The following RPA1 variants were observed in gnomAD, a reference collection of about 807,000 sequenced individuals.
RPA1 encodes the protein replication protein A 70 kDa DNA-binding subunit.
A neutral mutation model predicts 83.0 loss-of-function variants in RPA1; 49 were observed. The observed-to-expected ratio is 0.59, with a 90% CI of 0.47 to 0.75. The LOEUF (loss-of-function observed/expected upper bound fraction) is 0.75. Ranked by LOEUF, RPA1 falls within the 30% of genes least tolerant of loss-of-function variation. The pLI, the probability that RPA1 is intolerant of heterozygous loss-of-function variation, is 0.00. For missense variants in RPA1, 693 were observed against 776.1 expected (o/e 0.89, Z 1.27); for synonymous variants, 279 against 281.8 (o/e 0.99, Z 0.10).
intron 4 of RPA1, 146 bp from the exon 5 acceptor site, chr17:1,852,955 C>T (rs771313739): frequency 7.9e-5 from 51 of 645,884 alleles, no homozygotes; most frequent in Admixed American, 2.2e-4. Flanking sequence ...AATGATGCGG[C>T]GAAAGATGAA....
At chr17:1,880,330 G>C (rs977995495) in intron 11 of RPA1, among the ~76,000 whole-genome samples, 1 of 152,104 alleles carries the variant, frequency 6.6e-6, no homozygotes, top group Non-Finnish European at 1.5e-5. Context: ...CAAGCTTTAC[G>C]CGGGGAAATG....
In RPA1 at chr17:1,880,700, TG is replaced by T. The variant is rs1407652355; in HGVS notation, c.1241+10del. On this transcript the variant is annotated intron_variant, in intron 12 of 16. Coordinates refer to ENST00000254719, the MANE Select transcript of RPA1 (RefSeq NM_002945.5). ...TATAAGCTTCGTGGATGGTAGGTTT[TG>T]TGGGGCTAAACAAAGGGTTACTTGA... 6.2e-7 allele frequency: 1 copy of T among 1,612,674 alleles called. No individual in the cohort carries two copies. Among genetic ancestry groups the T allele is most frequent in the East Asian group, 2.2e-5 (1 of 44,872 alleles).
intron 4 of RPA1, among the ~76,000 whole-genome samples, chr17:1,849,988 A>G (rs902578091): frequency 6.6e-6 from 1 of 151,734 alleles, no homozygotes; most frequent in African/African-American, 2.4e-5. Context: ...CCTGGCCAAC[A>G]TGGTGAAACC....
intron 13 of RPA1, among the ~76,000 whole-genome samples, chr17:1,887,645 C>T (rs549344881): frequency 4.6e-5 from 7 of 151,544 alleles, no homozygotes; most frequent in East Asian, 2.0e-4. Context: ...CCTAGCACTT[C>T]GGGAGGCCAA....
intron 16 of RPA1, among the ~76,000 whole-genome samples, chr17:1,895,346 T>TA (rs1567831367): frequency 1.4e-5 from 2 of 145,062 alleles, no homozygotes; most frequent in African/African-American, 2.5e-5. Context: ...TTTATTTTTT[T>TA]TATTTTTATT....
intron 12 of RPA1, among the ~76,000 whole-genome samples, chr17:1,883,031 G>T: frequency 6.6e-6 from 1 of 152,078 alleles, no homozygotes; most frequent in East Asian, 1.9e-4. Flanking sequence ...TTCTTCAGTA[G>T]ACTTTGGGCC....
At chr17:1,879,086 T>G (rs201831585) in intron 9 of RPA1, 25 bp downstream of exon 9, 13 of 1,613,794 alleles carry the variant, frequency 8.1e-6, no homozygotes, top group Admixed American at 5.0e-5. Context: ...ACTTTAGAAC[T>G]GACACCGCCT....
chr17:1,845,434 G>A (rs543470672), intron 4 of RPA1, among the ~76,000 whole-genome samples: 1 of 152,022 alleles, frequency 6.6e-6, no homozygotes, highest in Admixed American at 6.6e-5. Context: ...TACATGGGAG[G>A]CTGAAGTGGG....
Position 1,888,863 on chromosome 17 carries a change from C to T in RPA1, c.1551+12C>T, listed in dbSNP as rs373196046. Reference sequence around the variant, plus strand: ...GCATGATCCTGTCAGTAAGTAGCCTCGGTAGATGAGAACCACGGTTGTGTT... The same window carrying T: ...GCATGATCCTGTCAGTAAGTAGCCTTGGTAGATGAGAACCACGGTTGTGTT... On this transcript the variant is annotated intron_variant, in intron 14 of 16. Coordinates refer to ENST00000254719, the MANE Select transcript of RPA1 (RefSeq NM_002945.5). The T allele has an allele frequency of 7.5e-6, 12 of 1,609,004 alleles. No homozygotes were observed. The highest frequency in any genetic ancestry group is 1.7e-4 in the Middle Eastern group (1 of 6,056).
intron 11 of RPA1, among the ~76,000 whole-genome samples, chr17:1,879,934 C>T (rs1309245568): frequency 6.9e-6 from 1 of 145,660 alleles, no homozygotes; most frequent in East Asian, 2.1e-4. Context: ...AGGAGGAGCT[C>T]CTGGAGTTGA....
At chr17:1,850,171 C>CA (rs56943271) in intron 4 of RPA1, among the ~76,000 whole-genome samples, 28,053 of 130,070 alleles carry the variant, frequency 0.22, 2,894 homozygotes, top group East Asian at 0.43. Context: ...GACTCCATCT[C>CA]AAAAAAAAAA....
intron 7 of RPA1, among the ~76,000 whole-genome samples, chr17:1,876,130 C>G (rs1913564903): frequency 6.6e-6 from 1 of 152,156 alleles, no homozygotes; most frequent in African/African-American, 2.4e-5. Flanking sequence ...ATTCAAAAGG[C>G]ATTTAATCTT....
At chr17:1,875,315 C>G (rs976848324) in intron 6 of RPA1, among the ~76,000 whole-genome samples, 1 of 152,206 alleles carries the variant, frequency 6.6e-6, no homozygotes, top group Non-Finnish European at 1.5e-5. Context: ...TTTTCTCACC[C>G]ATTATCTTGC....
rs1914584448 is a variant in RPA1 at position 1,899,880 on chromosome 17, T to C, written c.*2705T>C. On this transcript the variant is annotated 3_prime_UTR_variant, in exon 17 of 17. Coordinates refer to ENST00000254719, the MANE Select transcript of RPA1 (RefSeq NM_002945.5). The stretch of plus-strand genomic sequence containing the variant: ...GCCACTATTCCCCTAGTAAACTGAT[T>C]GTTTCCTTGTCTCAAAGGGAAGATT... 6.6e-6 allele frequency: 1 copy of C among 152,184 alleles called. No individual in the cohort carries two copies. The highest frequency in any genetic ancestry group is 1.5e-5 in the Non-Finnish European group (1 of 68,040). The allele number at this position is 152,184 out of a possible 1,614,324, so 9.4% of individuals were successfully genotyped here. A position where few individuals can be genotyped will look rare whatever the true frequency, so the allele number is the denominator to read the frequency against.
intron 5 of RPA1, among the ~76,000 whole-genome samples, chr17:1,860,074 G>T (rs1171721881): frequency 6.7e-6 from 1 of 150,096 alleles, no homozygotes; most frequent in African/African-American, 2.5e-5. Context: ...GCCTCCCAAA[G>T]TGCTGGGGTT....
At chr17:1,863,373 A>G (rs7216349) in intron 5 of RPA1, among the ~76,000 whole-genome samples, 131,380 of 151,772 alleles carry the variant, frequency 0.87, 57,195 homozygotes, top group Non-Finnish European at 0.92. Flanking sequence ...CACCACACTC[A>G]GCTAATTTTT....
chr17:1,849,392 A>G (rs866685189), intron 4 of RPA1, among the ~76,000 whole-genome samples: 59 of 142,678 alleles, frequency 4.1e-4, no homozygotes, highest in African/African-American at 1.4e-3. Context: ...TCCCGGGTTC[A>G]CGCCATTCTC....
rs1912186589 is a variant in RPA1, at chr17:1,844,598, T to C, written c.184T>C (p.Leu62=). The change falls in exon 4 of 17, where the codon TTG becomes CTG. Residue 62 remains leucine (L), a synonymous_variant. Coordinates refer to ENST00000254719, the MANE Select transcript of RPA1 (RefSeq NM_002945.5). ...TTCAGCTTTCATGTTGGCGACACAG[T>C]TGAACCCTCTCGTGGAGGAAGAACA... ...TLSSFMLATQ[L]NPLVEEEQLS... The C allele has an allele frequency of 6.2e-7, 1 of 1,613,302 alleles. No individual in the cohort carries two copies. Among genetic ancestry groups the C allele is most frequent in the African/African-American group, 1.3e-5 (1 of 74,926 alleles).
rs1421529064 is a variant in RPA1 at position 1,831,811 on chromosome 17, G to A, written c.33+1685G>A. 3.3e-5 allele frequency among the ~76,000 whole-genome samples: 5 copies of A among 151,408 alleles called. No homozygotes were observed. In the East Asian group the frequency reaches 7.8e-4, roughly 24 times the overall value. ...AGACGGGGTTTCACCGTGTTAGCCAGGATGGTCTCGATCTCCTGACCTTGT... is the reference window on the plus strand; with the variant it reads ...AGACGGGGTTTCACCGTGTTAGCCAAGATGGTCTCGATCTCCTGACCTTGT... On this transcript the variant is annotated intron_variant, in intron 1 of 16. Coordinates refer to ENST00000254719, the MANE Select transcript of RPA1 (RefSeq NM_002945.5).
Sources: allele counts gnomAD v4.1 joint callset (sites outside exome capture counted in the v4.1 genomes callset), GRCh38; gene constraint gnomAD v4.1.1; transcripts MANE v1.5; gene names NCBI Gene and HGNC (gene_info 2026-07-23, HGNC 2026-07-21).